TNKS1BP1: variants seen among roughly 807,000 people sequenced by gnomAD.
TNKS1BP1 encodes the protein CCR4-NOT transcription complex subunit 12, also known as 182 kDa tankyrase-1-binding protein.
TNKS1BP1 carries 48 observed loss-of-function variants against 141.1 expected under a neutral mutation model. The ratio of observed to expected loss-of-function variants is 0.34; its 90% confidence interval spans 0.27 to 0.43. TNKS1BP1 has a LOEUF of 0.43. Among genes scored for constraint, TNKS1BP1 ranks in the 20% least tolerant of loss-of-function variants. The probability of loss-of-function intolerance (pLI) is 1.00; values close to 1 mark genes in which losing one functional copy is unlikely to be tolerated. For synonymous variants in TNKS1BP1, 875 were observed against 898.2 expected, an observed-to-expected ratio of 0.97 and a Z score of 0.46; for missense variants, 2,149 against 2,226.0, an observed-to-expected ratio of 0.97 and a Z score of 0.70.
At chr11:57,306,972 T>C (rs1415147233) in intron 6 of TNKS1BP1, among the ~76,000 whole-genome samples, 1 of 150,636 alleles carries the variant, frequency 6.6e-6, no homozygotes, top group Non-Finnish European at 1.5e-5. Context: ...AGTTAACATA[T>C]ACAAGTGAGA....
chr11:57,314,679 G>A (rs1855771612), intron 4 of TNKS1BP1, among the ~76,000 whole-genome samples: 1 of 152,124 alleles, frequency 6.6e-6, no homozygotes. Context: ...CAGAGAGTGG[G>A]GAGGACGTGG....
intron 6 of TNKS1BP1, among the ~76,000 whole-genome samples, chr11:57,304,375 G>A (rs1403088317): frequency 6.6e-6 from 1 of 152,234 alleles, no homozygotes; most frequent in East Asian, 1.9e-4. Context: ...GGAGGCAGTG[G>A]CGGCAGCAGA....
chr11:57,314,506 T>C (rs979824042), intron 4 of TNKS1BP1, among the ~76,000 whole-genome samples: 1 of 152,178 alleles, frequency 6.6e-6, no homozygotes, highest in African/African-American at 2.4e-5. Context: ...CTTACCAGCA[T>C]GTGCCCTCCC....
chr11:57,309,478 T>C lies in TNKS1BP1; in HGVS notation c.3233A>G (p.Asp1078Gly), dbSNP rs771173798. Residue 1078 changes from aspartate (D) to glycine (G), a missense_variant, in exon 6 of 12, where the codon GAT becomes GGT. Coordinates refer to ENST00000358252, the MANE Select transcript of TNKS1BP1 (RefSeq NM_033396.3). This position sits in a 1 kb window ranked among gnomAD's most constrained non-coding sequence, Gnocchi z 4.3. ...CCAGCCTCGCTTTCCCATCTCCCCA[T>C]CTTCCAGGTCAGCACTGCCAGGGCC... ...AQGPGSADLEDGEMGKRGWVG... is the reference protein window; with the variant it reads ...AQGPGSADLEGGEMGKRGWVG... 1 of 1,613,980 alleles carries C rather than the reference T, an allele frequency of 6.2e-7. No individual in the cohort carries two copies. Among genetic ancestry groups the C allele is most frequent in the South Asian group, 1.1e-5 (1 of 91,068 alleles).
intron 3 of TNKS1BP1, 58 bp from the exon 4 acceptor site, chr11:57,317,945 G>C: frequency 6.5e-7 from 1 of 1,533,788 alleles, no homozygotes; most frequent in Non-Finnish European, 9.0e-7. Flanking sequence ...GTCACAGAAT[G>C]GAAAATGTGG....
intron 4 of TNKS1BP1, among the ~76,000 whole-genome samples, chr11:57,315,707 C>T (rs1052057970): frequency 6.6e-6 from 1 of 151,674 alleles, no homozygotes; most frequent in Non-Finnish European, 1.5e-5. Context: ...CTTCCTGTTC[C>T]CTGAGAACAC....
chr11:57,300,451 G>C, intron 11 of TNKS1BP1, 77 bp downstream of exon 11: 3 of 1,356,632 alleles, frequency 2.2e-6, no homozygotes, highest in Non-Finnish European at 3.1e-6. Context: ...CTAAGGGACA[G>C]AAGGGGCATG....
Position 57,302,590 on chromosome 11 carries a change from T to G in TNKS1BP1, c.4552A>C (p.Thr1518Pro), listed in dbSNP as rs758122255. 6 of 1,612,990 alleles carry G rather than the reference T, an allele frequency of 3.7e-6. No individual in the cohort carries two copies. The highest frequency in any genetic ancestry group is 2.2e-5 in the East Asian group (1 of 44,844). Residue 1518 changes from threonine (T) to proline (P), a missense_variant, in exon 7 of 12, where the codon ACA becomes CCA. Coordinates refer to ENST00000358252, the MANE Select transcript of TNKS1BP1 (RefSeq NM_033396.3). This position sits in a 1 kb window ranked among gnomAD's most constrained non-coding sequence, Gnocchi z 5.5. ...RPQPDGEASQTEDVDGTWGSS... is the reference protein window; with the variant it reads ...RPQPDGEASQPEDVDGTWGSS... ...CCCCAGGTGCCATCCACGTCTTCTG[T>G]CTGGCTGGCCTCACCATCAGGCTGC...
In TNKS1BP1 at chr11:57,302,418, G is replaced by A. The variant is rs370502454; in HGVS notation, c.4683+41C>T. 4.6e-4 allele frequency: 720 copies of A among 1,555,818 alleles called. 1 individual carries two copies. The highest frequency in any genetic ancestry group is 1.4e-3 in the Middle Eastern group (8 of 5,614). ...CCAGGAATGGGGCTCTCGCTGCATC[G>A]CCCTCACCCACCCACTGTCATGGGC... On this transcript the variant is annotated intron_variant, in intron 7 of 11. Transcript: ENST00000358252. The surrounding 1 kb of genome is among the most constrained non-coding windows in gnomAD (Gnocchi z 5.5).
chr11:57,307,070 A>C (rs1855624659), intron 6 of TNKS1BP1, among the ~76,000 whole-genome samples: 1 of 152,150 alleles, frequency 6.6e-6, no homozygotes, highest in African/African-American at 2.4e-5. Context: ...TTCCTGCTTC[A>C]CAGAGCAGCT....
chr11:57,324,418 G>C (rs879256400), intron 1 of TNKS1BP1, among the ~76,000 whole-genome samples: 41 of 146,362 alleles, frequency 2.8e-4, no homozygotes, highest in South Asian at 1.3e-3. Context: ...AGCAGCCGGC[G>C]AACAGACGGT....
In TNKS1BP1 at chr11:57,301,122, G is replaced by A. The variant is rs532145119; in HGVS notation, c.4972-81C>T. 1.7e-5 allele frequency: 24 copies of A among 1,407,584 alleles called. No homozygotes were observed. In the Middle Eastern group the frequency reaches 1.0e-3, roughly 61 times the overall value. 87.2% of individuals were successfully genotyped at this position (1,407,584 alleles called of 1,614,324 possible). ...CAGGGGGTAAGACCTTATCTCAAGA[G>A]TGTGCAGTCCCCAGAATCAAGCAGA... is the stretch of plus-strand genomic sequence containing the variant. On this transcript the variant is annotated intron_variant, in intron 9 of 11. Transcript: ENST00000358252.
At position 57,312,623 on chromosome 11, in the gene TNKS1BP1, G is replaced by A; in HGVS notation, c.2065C>T (p.Leu689=). ...CCACCACTGGGTGGTGGTGAAGCCA[G>A]GAGGTCGTCCAGCCAGCGGGAGCTG... ...ESSSRWLDDL[L]ASPPPSGGGA... Residue 689 remains leucine (L), a synonymous_variant, in exon 5 of 12, where the codon CTG becomes TTG. Transcript: ENST00000358252. 2 of 1,573,696 alleles carry A rather than the reference G, an allele frequency of 1.3e-6. No individual in the cohort carries two copies. Among genetic ancestry groups the A allele is most frequent in the Non-Finnish European group, 1.7e-6 (2 of 1,161,178 alleles).
intron 4 of TNKS1BP1, among the ~76,000 whole-genome samples, chr11:57,314,188 T>C (rs1855763328): frequency 6.6e-6 from 1 of 152,244 alleles, no homozygotes; most frequent in South Asian, 2.1e-4. Flanking sequence ...AAAGCTCATG[T>C]GAGGATCTCC....
Position 57,322,705 on chromosome 11 carries a change from C to A in TNKS1BP1, c.-65-755G>T, listed in dbSNP as rs564352463. Among the ~76,000 whole-genome samples, 427 of 152,298 alleles carry A rather than the reference C, an allele frequency of 2.8e-3. 2 individuals carry two copies. The highest frequency in any genetic ancestry group is 9.4e-3 in the African/African-American group (390 of 41,564). On this transcript the variant is annotated intron_variant, in intron 1 of 11. Coordinates refer to ENST00000358252, the MANE Select transcript of TNKS1BP1 (RefSeq NM_033396.3). Reference sequence around the variant, plus strand: ...GGGCCTAGCCAAGAGGAAGGAGGAGCCGGCCCAGGCCTGGGCTGGGAGAAC... The same window carrying A: ...GGGCCTAGCCAAGAGGAAGGAGGAGACGGCCCAGGCCTGGGCTGGGAGAAC...
chr11:57,322,789 C>A (rs1855908252), intron 1 of TNKS1BP1, among the ~76,000 whole-genome samples: 1 of 152,160 alleles, frequency 6.6e-6, no homozygotes, highest in African/African-American at 2.4e-5. Context: ...TTCCCTGGGG[C>A]TCCACCTTCC....
intron 6 of TNKS1BP1, among the ~76,000 whole-genome samples, chr11:57,305,473 C>A (rs1414469774): frequency 1.3e-5 from 2 of 152,112 alleles, no homozygotes; most frequent in Non-Finnish European, 2.9e-5. Context: ...AAGACGGTAT[C>A]CCACCCCACC....
chr11:57,315,671 C>A (rs1329624414), intron 4 of TNKS1BP1, among the ~76,000 whole-genome samples: 3 of 151,868 alleles, frequency 2.0e-5, no homozygotes, highest in Non-Finnish European at 2.9e-5. Flanking sequence ...ACACCTCCCC[C>A]AATCCTCTCT....
chr11:57,322,134 A>G lies in TNKS1BP1; in HGVS notation c.-65-184T>C, dbSNP rs1477990430. The G allele has an allele frequency of 1.0e-5, 11 of 1,065,872 alleles. No individual in the cohort carries two copies. In the Admixed American group the frequency reaches 3.2e-4, roughly 31 times the overall value. The allele number at this position is 1,065,872 out of a possible 1,614,324, so 66.0% of individuals were successfully genotyped here. A position where few individuals can be genotyped will look rare whatever the true frequency, so the allele number is the denominator to read the frequency against. ...CAACAGCCATATCCTCAACTCTTCA[A>G]AGATCCTCCCCAACTCTTATCTCCT... On this transcript the variant is annotated intron_variant, in intron 1 of 11. Coordinates refer to ENST00000358252, the MANE Select transcript of TNKS1BP1 (RefSeq NM_033396.3).
Sources: gnomAD v4.1 joint callset for allele counts (sites outside exome capture counted in the v4.1 genomes callset) on GRCh38, gnomAD v4.1.1 for gene constraint, Gnocchi (gnomAD v3.1) non-coding constraint, MANE v1.5 for transcripts, NCBI Gene and HGNC (gene_info 2026-07-23, HGNC 2026-07-21) for gene names.